PGAP4: variants seen among roughly 807,000 people sequenced by gnomAD.
PGAP4 encodes the protein post-GPI attachment to proteins GalNAc transferase 4.
PGAP4 carries 12 observed loss-of-function variants against 28.2 expected under a neutral mutation model. The observed-to-expected ratio is 0.42, with a 90% CI of 0.27 to 0.69. PGAP4 has a LOEUF of 0.69. Among genes scored for constraint, PGAP4 ranks in the 30% least tolerant of loss-of-function variants. The pLI is 0.22. For synonymous variants in PGAP4, 205 were observed against 211.8 expected, an observed-to-expected ratio of 0.97 and a Z score of 0.28; for missense variants, 425 against 513.5, an observed-to-expected ratio of 0.83 and a Z score of 1.67.
At chr9:101,494,791 T>G (rs1826722792) in intron 2 of PGAP4, among the ~76,000 whole-genome samples, 1 of 151,610 alleles carries the variant, frequency 6.6e-6, no homozygotes, top group Non-Finnish European at 1.5e-5. Context: ...ATGAAAGTTT[T>G]CAGTTGACAA....
At chr9:101,494,699 T>C (rs1029985466) in intron 2 of PGAP4, among the ~76,000 whole-genome samples, 3 of 151,758 alleles carry the variant, frequency 2.0e-5, no homozygotes, top group African/African-American at 7.2e-5. Context: ...TTTTAGACTA[T>C]AGCTGATTGC....
chr9:101,530,908 T>A (rs983453090), intron 2 of PGAP4, among the ~76,000 whole-genome samples: 9 of 152,170 alleles, frequency 5.9e-5, no homozygotes, highest in African/African-American at 2.2e-4. Context: ...TTTGTTTGTT[T>A]GTTTTTTTGG....
At chr9:101,512,207 A>C (rs1419541883) in intron 2 of PGAP4, among the ~76,000 whole-genome samples, 1 of 152,106 alleles carries the variant, frequency 6.6e-6, no homozygotes, top group South Asian at 2.1e-4. Context: ...GCAGTCACTC[A>C]TGCTGATTGC....
intron 2 of PGAP4, among the ~76,000 whole-genome samples, chr9:101,506,139 C>T (rs13290815): frequency 0.016 from 2,430 of 152,164 alleles, 24 homozygotes; most frequent in Non-Finnish European, 0.026. Context: ...ACACAGGCTG[C>T]CTATTCTCCA....
chr9:101,504,205 G>GT (rs373740296), intron 2 of PGAP4, among the ~76,000 whole-genome samples: 6 of 34,580 alleles, frequency 1.7e-4, no homozygotes, highest in South Asian at 1.1e-3. Context: ...GTGTGTGTGT[G>GT]TTTGTTTTTT....
intron 1 of PGAP4, among the ~76,000 whole-genome samples, chr9:101,478,406 C>T (rs1296400026): frequency 6.6e-6 from 1 of 152,208 alleles, no homozygotes; most frequent in Non-Finnish European, 1.5e-5. Flanking sequence ...AAGGTTTACA[C>T]ACATTTGGAG....
intron 2 of PGAP4, among the ~76,000 whole-genome samples, chr9:101,504,671 A>C (rs1929496): frequency 0.16 from 23,730 of 152,008 alleles, 1,965 homozygotes; most frequent in East Asian, 0.24. Flanking sequence ...AACAGTGATC[A>C]GTGGGCTTTA....
chr9:101,516,775 A>G (rs964103736), intron 2 of PGAP4, among the ~76,000 whole-genome samples: 2 of 152,118 alleles, frequency 1.3e-5, no homozygotes, highest in Non-Finnish European at 2.9e-5. Flanking sequence ...TTTGCAATTC[A>G]TCTTTGTTAG....
chr9:101,504,205 G>GTTTTTTTTTTT (rs373740296), intron 2 of PGAP4, among the ~76,000 whole-genome samples: 1 of 34,550 alleles, frequency 2.9e-5, no homozygotes, highest in Non-Finnish European at 6.0e-5. Flanking sequence ...GTGTGTGTGT[G>GTTTTTTTTTTT]TTTGTTTTTT....
At chr9:101,498,811 TG>T in intron 2 of PGAP4, among the ~76,000 whole-genome samples, 1 of 152,030 alleles carries the variant, frequency 6.6e-6, no homozygotes, top group Non-Finnish European at 1.5e-5. Flanking sequence ...GGGTTTAAAT[TG>T]GTGTTTTAGA....
In PGAP4 at chr9:101,476,540, C is replaced by G; in HGVS notation, c.553G>C (p.Glu185Gln). The change falls in exon 2 of 2, where the codon GAG (glutamate) becomes CAG (glutamine). Residue 185 changes from glutamate (E) to glutamine (Q), a missense_variant. By Grantham distance (29) the Glu-to-Gln change is conservative (BLOSUM62 2). Transcript: ENST00000374848. The surrounding 1 kb of genome is among the most constrained non-coding windows in gnomAD (Gnocchi z 7.0). ...YGDDPSTNSFEKEKQDYVYCL... is the reference protein window; with the variant it reads ...YGDDPSTNSFQKEKQDYVYCL... ...TAGACATAGTCCTGCTTCTCTTTCT[C>G]AAACGAGTTGGTCGAAGGGTCATCA... The G allele has an allele frequency of 6.2e-7, 1 of 1,614,222 alleles. No homozygotes were observed. The highest frequency in any genetic ancestry group is 8.5e-7 in the Non-Finnish European group (1 of 1,180,040).
intron 2 of PGAP4, among the ~76,000 whole-genome samples, chr9:101,519,014 G>T (rs1458840439): frequency 6.6e-6 from 1 of 152,138 alleles, no homozygotes; most frequent in African/African-American, 2.4e-5. Context: ...ATTCTTGCAG[G>T]AGTGAGGTGG....
upstream of PGAP4, chr9:101,487,224 C>T (rs1234511699): frequency 6.6e-6 from 1 of 152,388 alleles, no homozygotes; most frequent in East Asian, 1.9e-4. Context: ...AAGGCGCCAA[C>T]TGATGGGCAG....
intron 2 of PGAP4, among the ~76,000 whole-genome samples, chr9:101,501,270 T>C (rs1371833203): frequency 6.6e-6 from 1 of 152,034 alleles, no homozygotes; most frequent in East Asian, 1.9e-4. Context: ...GCTACAATAG[T>C]GATGCTGTAG....
At chr9:101,501,904 C>T (rs1475605954) in intron 2 of PGAP4, 5 of 395,642 alleles carry the variant, frequency 1.3e-5, no homozygotes, top group South Asian at 6.3e-5. Context: ...CAGAGGCCTC[C>T]GATTGGAAAG....
intron 2 of PGAP4, among the ~76,000 whole-genome samples, chr9:101,492,385 G>T (rs535711171): frequency 6.6e-6 from 1 of 152,174 alleles, no homozygotes; most frequent in South Asian, 2.1e-4. Flanking sequence ...GTAGAGACCA[G>T]GTTTCACTGT....
chr9:101,494,564 A>G (rs1263260651), intron 2 of PGAP4, among the ~76,000 whole-genome samples: 1 of 151,852 alleles, frequency 6.6e-6, no homozygotes, highest in Non-Finnish European at 1.5e-5. Context: ...CCTGATTAGT[A>G]GTTTTGTAAG....
intron 1 of PGAP4, among the ~76,000 whole-genome samples, chr9:101,481,959 T>A (rs1755681275): frequency 6.6e-6 from 1 of 152,138 alleles, no homozygotes; most frequent in Non-Finnish European, 1.5e-5. Flanking sequence ...TGCCACACTC[T>A]AGTTCCTCCT....
intron 2 of PGAP4, among the ~76,000 whole-genome samples, chr9:101,512,603 C>T (rs1337414470): frequency 6.6e-6 from 1 of 152,070 alleles, no homozygotes; most frequent in Non-Finnish European, 1.5e-5. Flanking sequence ...TAACAGGATA[C>T]ATGAAGAGAT....
Sources: allele counts gnomAD v4.1 joint callset (sites outside exome capture counted in the v4.1 genomes callset), GRCh38; gene constraint gnomAD v4.1.1; non-coding constraint Gnocchi (gnomAD v3.1); transcripts MANE v1.5; gene names NCBI Gene and HGNC (gene_info 2026-07-23, HGNC 2026-07-21).